ZFAT: variants seen among roughly 807,000 people sequenced by gnomAD.
ZFAT encodes zinc finger and AT-hook domain containing.
ZFAT carries 64 observed loss-of-function variants against 117.7 expected under a neutral mutation model. The observed-to-expected ratio is 0.54, with a 90% CI of 0.44 to 0.67. ZFAT has a LOEUF of 0.67. Among genes scored for constraint, ZFAT ranks in the 30% least tolerant of loss-of-function variants. The pLI is 0.00. For synonymous variants in ZFAT, 679 were observed against 615.0 expected (o/e 1.10, Z -1.54); for missense variants, 1,433 against 1,584.5 (o/e 0.90, Z 1.62).
At chr8:134,681,766 TTTC>T (rs1286413706) in intron 1 of ZFAT, among the ~76,000 whole-genome samples, 1 of 152,190 alleles carries the variant, frequency 6.6e-6, no homozygotes, top group African/African-American at 2.4e-5. Flanking sequence ...ATACTTTTGT[TTTC>T]TTGTTTTTCA....
chr8:134,526,805 T>C (rs774613089), intron 12 of ZFAT, among the ~76,000 whole-genome samples: 1 of 151,952 alleles, frequency 6.6e-6, no homozygotes, highest in Non-Finnish European at 1.5e-5. Flanking sequence ...TTCTCTTCTA[T>C]GAAGGTGAAG....
chr8:134,673,992 G>C (rs1003650650), intron 1 of ZFAT, among the ~76,000 whole-genome samples: 1 of 152,182 alleles, frequency 6.6e-6, no homozygotes, highest in Non-Finnish European at 1.5e-5. Flanking sequence ...TGGCCGAATA[G>C]GAACAGCTTT....
chr8:134,580,714 C>T (rs1825657004), intron 10 of ZFAT, among the ~76,000 whole-genome samples: 1 of 152,180 alleles, frequency 6.6e-6, no homozygotes, highest in Non-Finnish European at 1.5e-5. Flanking sequence ...AATTCTGGCA[C>T]TGCAAAATAA....
intron 3 of ZFAT, among the ~76,000 whole-genome samples, chr8:134,618,203 G>A (rs927530066): frequency 2.6e-5 from 4 of 152,142 alleles, no homozygotes; most frequent in Non-Finnish European, 4.4e-5. Flanking sequence ...GTTACTATGA[G>A]CAAATTCATT....
intron 15 of ZFAT, among the ~76,000 whole-genome samples, chr8:134,492,028 T>G (rs1818091295): frequency 7.1e-6 from 1 of 141,350 alleles, no homozygotes; most frequent in African/African-American, 2.5e-5. Context: ...GTTTTTGTTT[T>G]TTGTTTTTTT....
intron 15 of ZFAT, among the ~76,000 whole-genome samples, chr8:134,507,026 T>C (rs1200662865): frequency 6.6e-6 from 1 of 152,190 alleles, no homozygotes; most frequent in Admixed American, 6.5e-5. Flanking sequence ...GCAACTACTA[T>C]GTGTGATGTC....
At chr8:134,651,760 T>A (rs1392078585) in intron 2 of ZFAT, among the ~76,000 whole-genome samples, 1 of 152,112 alleles carries the variant, frequency 6.6e-6, no homozygotes, top group Non-Finnish European at 1.5e-5. Flanking sequence ...CTAAAATTTA[T>A]AAAAATCATA....
the ZFAT span, among the ~76,000 whole-genome samples, chr8:134,831,918 C>A: frequency 1.3e-5 from 2 of 151,846 alleles, no homozygotes; most frequent in Non-Finnish European, 2.9e-5. Context: ...GGGGGTCAGG[C>A]GGGGGGCTGA....
At chr8:134,824,432 T>G in the ZFAT span, among the ~76,000 whole-genome samples, 1 of 152,190 alleles carries the variant, frequency 6.6e-6, no homozygotes, top group African/African-American at 2.4e-5. Context: ...TATCGTATTT[T>G]TAAACAACAG....
At chr8:134,635,158 G>A (rs983183661) in intron 3 of ZFAT, among the ~76,000 whole-genome samples, 7 of 152,148 alleles carry the variant, frequency 4.6e-5, no homozygotes, top group African/African-American at 1.7e-4. Context: ...CCCAGGGATT[G>A]GGGACCCCTG....
At chr8:134,677,505 ACCAGAG>A (rs1164195328) in intron 1 of ZFAT, among the ~76,000 whole-genome samples, 1 of 152,234 alleles carries the variant, frequency 6.6e-6, no homozygotes, top group Non-Finnish European at 1.5e-5. Flanking sequence ...GCCAAATTCT[ACCAGAG>A]GTATGAAAAG....
intron 7 of ZFAT, among the ~76,000 whole-genome samples, chr8:134,592,888 A>G (rs1291947301): frequency 1.3e-5 from 2 of 152,224 alleles, no homozygotes; most frequent in Non-Finnish European, 1.5e-5. Flanking sequence ...GTTTCGATGC[A>G]TTTCCCACCA....
At chr8:134,779,282 A>G in the ZFAT span, among the ~76,000 whole-genome samples, 1 of 152,174 alleles carries the variant, frequency 6.6e-6, no homozygotes, top group Non-Finnish European at 1.5e-5. Context: ...AAAAAACTGC[A>G]TACTGTTTTA....
chr8:134,725,936 ATTCT>A, the ZFAT span, among the ~76,000 whole-genome samples: 2 of 152,144 alleles, frequency 1.3e-5, no homozygotes, highest in African/African-American at 4.8e-5. Flanking sequence ...TCATTCATTC[ATTCT>A]ATCAATGAAT....
chr8:134,623,231 C>T (rs945700665), intron 3 of ZFAT, among the ~76,000 whole-genome samples: 16 of 152,218 alleles, frequency 1.1e-4, no homozygotes, highest in African/African-American at 3.4e-4. Context: ...TCTCACTGAA[C>T]TCCCTGCATC....
At chr8:134,522,770 AT>A (rs1204033044) in intron 12 of ZFAT, among the ~76,000 whole-genome samples, 1 of 152,180 alleles carries the variant, frequency 6.6e-6, no homozygotes, top group Non-Finnish European at 1.5e-5. Flanking sequence ...AACCTCAAGT[AT>A]TTCCCTAGTC....
intron 1 of ZFAT, among the ~76,000 whole-genome samples, chr8:134,677,748 A>G (rs1279183327): frequency 6.6e-6 from 1 of 152,244 alleles, no homozygotes; most frequent in Non-Finnish European, 1.5e-5. Context: ...AAGCTTGTCC[A>G]CCACGATTAA....
chr8:134,790,170 C>T, the ZFAT span, among the ~76,000 whole-genome samples: 3 of 152,190 alleles, frequency 2.0e-5, no homozygotes, highest in African/African-American at 7.2e-5. Flanking sequence ...CAGAGTAACA[C>T]ATACCACCAT....
the ZFAT span, among the ~76,000 whole-genome samples, chr8:134,748,842 TG>T: frequency 4.6e-5 from 7 of 152,212 alleles, no homozygotes; most frequent in Admixed American, 4.6e-4. Context: ...ATATGTTCTT[TG>T]GCCATTTTAA....
Sources: allele counts gnomAD v4.1 joint callset (sites outside exome capture counted in the v4.1 genomes callset), GRCh38; gene constraint gnomAD v4.1.1; transcripts MANE v1.5; gene names NCBI Gene and HGNC (gene_info 2026-07-23, HGNC 2026-07-21).